Variants in GPHN observed in about 807,000 individuals in gnomAD.
GPHN encodes the protein gephyrin.
A neutral mutation model predicts 95.5 loss-of-function variants in GPHN; 17 were observed. The observed-to-expected ratio is 0.18, with a 90% CI of 0.12 to 0.27. The LOEUF (loss-of-function observed/expected upper bound fraction) is 0.27, where lower values mean the gene tolerates loss of function less well. Ranked by LOEUF, GPHN falls within the 10% of genes least tolerant of loss-of-function variation. The pLI, the probability that GPHN is intolerant of heterozygous loss-of-function variation, is 1.00. For synonymous variants in GPHN, 320 were observed against 322.5 expected (o/e 0.99, Z 0.08); for missense variants, 660 against 978.1 (o/e 0.67, Z 4.34).
intron 2 of GPHN, among the ~76,000 whole-genome samples, chr14:66,722,089 TTTA>T (rs1162437540): frequency 6.8e-6 from 1 of 148,024 alleles, no homozygotes; most frequent in African/African-American, 2.4e-5. Flanking sequence ...TGTTTATTAC[TTTA>T]TTACTTATAA....
At chr14:67,322,391 T>C in the GPHN span, among the ~76,000 whole-genome samples, 3 of 152,128 alleles carry the variant, frequency 2.0e-5, no homozygotes, top group Non-Finnish European at 4.4e-5. Flanking sequence ...CTTGGAGTTT[T>C]TAAGAAACTC....
chr14:67,457,903 G>GA, the GPHN span, among the ~76,000 whole-genome samples: 2 of 152,232 alleles, frequency 1.3e-5, no homozygotes, highest in African/African-American at 4.8e-5. Flanking sequence ...TGAGGTGACA[G>GA]AACACCTGAG....
intron 21 of GPHN, among the ~76,000 whole-genome samples, chr14:67,174,588 A>G (rs1182192876): frequency 6.6e-6 from 1 of 152,204 alleles, no homozygotes; most frequent in Non-Finnish European, 1.5e-5. Context: ...TCCTTTGGGT[A>G]TATACCCAGT....
intron 3 of GPHN, among the ~76,000 whole-genome samples, chr14:66,816,610 A>G (rs1466803985): frequency 6.6e-6 from 1 of 152,208 alleles, no homozygotes; most frequent in African/African-American, 2.4e-5. Flanking sequence ...ACTAATGTGG[A>G]CAAAGATACA....
At chr14:67,520,289 A>T in the GPHN span, among the ~76,000 whole-genome samples, 2 of 152,196 alleles carry the variant, frequency 1.3e-5, no homozygotes, top group Non-Finnish European at 2.9e-5. Flanking sequence ...ATTTAGTATC[A>T]TATGGAATAT....
At chr14:67,129,772 A>AAGAAAGAG (rs1555498711) in intron 17 of GPHN, among the ~76,000 whole-genome samples, 2,851 of 149,204 alleles carry the variant, frequency 0.019, 39 homozygotes, top group Middle Eastern at 0.034. Flanking sequence ...GAAAGAAAGA[A>AAGAAAGAG]AGAGAGAAAG....
intron 5 of GPHN, among the ~76,000 whole-genome samples, chr14:66,891,792 A>G (rs1021685817): frequency 4.1e-4 from 62 of 152,152 alleles, no homozygotes; most frequent in African/African-American, 1.4e-3. Flanking sequence ...GTCAATAAAG[A>G]AAATGCTATT....
the GPHN span, among the ~76,000 whole-genome samples, chr14:67,309,530 T>C: frequency 2.0e-4 from 30 of 152,296 alleles, no homozygotes; most frequent in South Asian, 1.0e-3. Flanking sequence ...CTTCCCAGCC[T>C]ACACAAAGAG....
the GPHN span, among the ~76,000 whole-genome samples, chr14:67,597,676 T>C: frequency 3.3e-5 from 5 of 152,020 alleles, no homozygotes; most frequent in South Asian, 6.2e-4. Flanking sequence ...CTGACCCTTA[T>C]AGATGTATTA....
chr14:67,568,436 G>C, the GPHN span, among the ~76,000 whole-genome samples: 12 of 152,198 alleles, frequency 7.9e-5, 1 homozygote, highest in South Asian at 2.5e-3. Context: ...ACTTAGTGGG[G>C]CCTGTCAGTG....
the GPHN span, among the ~76,000 whole-genome samples, chr14:67,212,036 C>T: frequency 6.6e-6 from 1 of 152,024 alleles, no homozygotes; most frequent in Non-Finnish European, 1.5e-5. Context: ...TAATCTTAAC[C>T]ACTGTGAAGA....
intron 9 of GPHN, among the ~76,000 whole-genome samples, chr14:66,972,950 G>A (rs956055256): frequency 6.6e-6 from 1 of 152,036 alleles, no homozygotes; most frequent in African/African-American, 2.4e-5. Context: ...TGTCAACGTA[G>A]CCAAAAAGGC....
intron 10 of GPHN, among the ~76,000 whole-genome samples, chr14:67,029,583 C>T (rs1239288414): frequency 2.6e-5 from 4 of 152,230 alleles, no homozygotes; most frequent in East Asian, 1.9e-4. Flanking sequence ...GTGATCCACC[C>T]GCCTCAGCCC....
the GPHN span, among the ~76,000 whole-genome samples, chr14:67,495,842 T>C: frequency 6.6e-6 from 1 of 152,246 alleles, no homozygotes; most frequent in Non-Finnish European, 1.5e-5. Context: ...CAAGTCACAC[T>C]GCCTGACTTA....
intron 8 of GPHN, among the ~76,000 whole-genome samples, chr14:66,960,915 T>A (rs1010983786): frequency 3.3e-5 from 5 of 152,108 alleles, no homozygotes; most frequent in African/African-American, 1.2e-4. Context: ...ACTTTATCTA[T>A]TGTTTGTCCT....
the GPHN span, among the ~76,000 whole-genome samples, chr14:67,337,203 A>T: frequency 2.0e-5 from 3 of 152,238 alleles, no homozygotes; most frequent in Non-Finnish European, 4.4e-5. Context: ...TTGCAAAATC[A>T]TTTAGTACTT....
chr14:67,130,953 T>G (rs908296056), intron 17 of GPHN, among the ~76,000 whole-genome samples: 2 of 152,210 alleles, frequency 1.3e-5, no homozygotes, highest in Admixed American at 6.5e-5. Flanking sequence ...TTGCCCATTT[T>G]CTAAGGGATC....
intron 2 of GPHN, among the ~76,000 whole-genome samples, chr14:66,736,348 G>T (rs550969524): frequency 2.9e-4 from 44 of 151,514 alleles, no homozygotes; most frequent in African/African-American, 8.7e-4. Flanking sequence ...AAGTACTACC[G>T]AGTTAGATTT....
chr14:66,797,847 C>T (rs139624997), intron 3 of GPHN, among the ~76,000 whole-genome samples: 1 of 151,986 alleles, frequency 6.6e-6, no homozygotes, highest in Non-Finnish European at 1.5e-5. Context: ...CTATCTAGAA[C>T]AGCCATTACT....
Sources: gnomAD v4.1 joint callset for allele counts (sites outside exome capture counted in the v4.1 genomes callset) on GRCh38, gnomAD v4.1.1 for gene constraint, MANE v1.5 for transcripts, NCBI Gene and HGNC (gene_info 2026-07-23, HGNC 2026-07-21) for gene names.